Variants in IGF2R observed in about 807,000 individuals in gnomAD.
IGF2R encodes insulin like growth factor 2 receptor.
IGF2R carries 91 observed loss-of-function variants against 270.6 expected under a neutral mutation model. That is an observed-to-expected ratio of 0.34 (90% CI 0.28 to 0.40). The LOEUF is 0.40. IGF2R is among the 10% of genes least tolerant of loss of function. The pLI, the probability that IGF2R is intolerant of heterozygous loss-of-function variation, is 1.00. For synonymous variants in IGF2R, 1,316 were observed against 1,258.9 expected, an observed-to-expected ratio of 1.05 and a Z score of -0.96; for missense variants, 2,805 against 3,188.3, an observed-to-expected ratio of 0.88 and a Z score of 2.90.
chr6:159,988,512 C>CAAAAAAAAA (rs59531292), intron 1 of IGF2R, among the ~76,000 whole-genome samples: 1 of 50,474 alleles, frequency 2.0e-5, no homozygotes, highest in Non-Finnish European at 3.9e-5. Context: ...GACTCCGTCT[C>CAAAAAAAAA]AAAAAAAAAA....
intron 29 of IGF2R, among the ~76,000 whole-genome samples, chr6:160,066,630 T>C (rs1778591389): frequency 1.3e-5 from 2 of 152,166 alleles, no homozygotes; most frequent in African/African-American, 4.8e-5. Context: ...ACTCCACTTT[T>C]TACTGTTTCT....
At chr6:160,065,814 G>GTGTGTGTATATATATATATATA in intron 29 of IGF2R, among the ~76,000 whole-genome samples, 40 of 78,328 alleles carry the variant, frequency 5.1e-4, no homozygotes, top group Non-Finnish European at 6.8e-4. Context: ...GTGTGTGTGT[G>GTGTGTGTATATATATATATATA]TATATATATA....
rs774250856 is a variant in IGF2R, at chr6:160,069,893, G to C, written c.4278G>C (p.Ala1426=). 6.2e-7 allele frequency: 1 copy of C among 1,614,044 alleles called. No individual in the cohort carries two copies. Among genetic ancestry groups the C allele is most frequent in the African/African-American group, 1.3e-5 (1 of 74,922 alleles). ...GTEPCPPEAA[A]CLLGGSKPVN... is the part of the protein sequence containing the mutation. Reference sequence around the variant, plus strand: ...AGCCGTGCCCTCCAGAAGCAGCCGCGTGTCTGCTGGGTGGCTCCAAGCCCG... The same window carrying C: ...AGCCGTGCCCTCCAGAAGCAGCCGCCTGTCTGCTGGGTGGCTCCAAGCCCG... Residue 1426 remains alanine (A), a synonymous_variant, in exon 31 of 48, where the codon GCG becomes GCC. Transcript: ENST00000356956.
chr6:159,986,118 C>T (rs1025563062), intron 1 of IGF2R, among the ~76,000 whole-genome samples: 15 of 152,178 alleles, frequency 9.9e-5, no homozygotes, highest in African/African-American at 2.4e-4. Context: ...TCCTGTGTCC[C>T]GCTGGTTTCC....
At chr6:159,971,866 A>C (rs559762410) in intron 1 of IGF2R, among the ~76,000 whole-genome samples, 27 of 152,310 alleles carry the variant, frequency 1.8e-4, no homozygotes, top group African/African-American at 6.3e-4. Flanking sequence ...TATGTTGCCC[A>C]GGCTGGCCTC....
rs1316897297 is a variant in IGF2R at position 160,046,479 on chromosome 6, T to C, written c.1904-19T>C. On this transcript the variant is annotated intron_variant, in intron 14 of 47. Transcript: ENST00000356956. The stretch of plus-strand genomic sequence containing the variant: ...TCGGACTGACCTTCCATACTTTTAT[T>C]GTTTTTATTCTTTCTTAGGGTTTTC... 3 of 1,597,648 alleles carry C rather than the reference T, an allele frequency of 1.9e-6. No homozygotes were observed. The African/African-American group carries it at 4.1e-5, about 22-fold the overall frequency.
rs542362286 is a variant in IGF2R, at chr6:160,005,689, A to G, written c.290-3321A>G. 8.7e-4 allele frequency: 134 copies of G among 153,262 alleles called. 3 individuals carry two copies. The South Asian group carries it at 0.025, about 29-fold the overall frequency. The allele number at this position is 153,262 out of a possible 1,614,324, so 9.5% of individuals were successfully genotyped here. On this transcript the variant is annotated intron_variant, in intron 2 of 47. Transcript: ENST00000356956. ...TGGGGGCTTGGCTTCTGAACTTGCC[A>G]GGAAACACCGCATCCCTTTTCCTGC...
intron 1 of IGF2R, among the ~76,000 whole-genome samples, chr6:159,989,701 G>A (rs999817513): frequency 1.8e-4 from 27 of 152,174 alleles, no homozygotes; most frequent in Non-Finnish European, 2.9e-4. Context: ...CAAAGTGCTG[G>A]GATACAGGCA....
chr6:160,019,502 C>T (rs1209268434), intron 4 of IGF2R, among the ~76,000 whole-genome samples: 1 of 152,130 alleles, frequency 6.6e-6, no homozygotes, highest in Non-Finnish European at 1.5e-5. Flanking sequence ...CAAAGCCAAA[C>T]AAGCACACAA....
chr6:159,984,634 A>G (rs1195472965), intron 1 of IGF2R, among the ~76,000 whole-genome samples: 1 of 152,212 alleles, frequency 6.6e-6, no homozygotes, highest in South Asian at 2.1e-4. Flanking sequence ...AGGACATACC[A>G]TATAGCCTAG....
At chr6:160,093,120 C>T (rs575205304) in intron 44 of IGF2R, 1 of 155,012 alleles carries the variant, frequency 6.5e-6, no homozygotes, top group South Asian at 2.0e-4. Context: ...ATGCAGAGTT[C>T]CCACCAGCTC....
At chr6:160,086,940 G>A (rs1216295098) in intron 41 of IGF2R, among the ~76,000 whole-genome samples, 3 of 152,086 alleles carry the variant, frequency 2.0e-5, no homozygotes, top group Non-Finnish European at 4.4e-5. Context: ...ATGCCCTGGA[G>A]ACATCATCTG....
At position 160,038,156 on chromosome 6, in the gene IGF2R, C is replaced by G. The variant is rs567529889; in HGVS notation, c.1316-2404C>G. On this transcript the variant is annotated intron_variant, in intron 10 of 47. Transcript: ENST00000356956. ...TGCTGGAATTGAGAGACTGAGGACA[C>G]AAAGTGGTGTGCTGGAGAATAAACT... Among the ~76,000 whole-genome samples, 159 of 152,254 alleles carry G rather than the reference C, an allele frequency of 1.0e-3. 1 individual carries two copies. The highest frequency in any genetic ancestry group is 3.8e-3 in the African/African-American group (156 of 41,542).
At chr6:160,074,178 A>G (rs1275226689) in intron 35 of IGF2R, 4 of 577,030 alleles carry the variant, frequency 6.9e-6, no homozygotes. Context: ...GTAGCCAGCC[A>G]GTCTTTGAGC....
chr6:160,048,898 T>G (rs1442747722), intron 18 of IGF2R, among the ~76,000 whole-genome samples: 1 of 152,198 alleles, frequency 6.6e-6, no homozygotes, highest in African/African-American at 2.4e-5. Context: ...GTTTCTGGAT[T>G]GATTAGGGGG....
intron 1 of IGF2R, among the ~76,000 whole-genome samples, chr6:159,973,661 C>G (rs1407639689): frequency 6.6e-6 from 1 of 152,060 alleles, no homozygotes; most frequent in Non-Finnish European, 1.5e-5. Context: ...ATGTGGAAGC[C>G]TAAGGTTGTT....
At chr6:159,994,835 T>G (rs1417308613) in intron 2 of IGF2R, among the ~76,000 whole-genome samples, 1 of 152,216 alleles carries the variant, frequency 6.6e-6, no homozygotes, top group Non-Finnish European at 1.5e-5. Flanking sequence ...TTTTTAAAAA[T>G]GTACTGAGAC....
In IGF2R at chr6:160,071,985, C is replaced by T. The variant is rs1778750578; in HGVS notation, c.4519C>T (p.Pro1507Ser). ...TFAWPTATAC[P>S]MKSNEHDDCQ... ...TGCCTGGCCCACAGCCACAGCCTGT[C>T]CCATGAAGAGCAACGAGCATGATGA... is the stretch of plus-strand genomic sequence containing the variant. The change falls in exon 32 of 48, where the codon CCC becomes TCC. Residue 1507 changes from proline to serine, a missense_variant. By Grantham distance (74) the Pro-to-Ser change is moderately conservative. Transcript: ENST00000356956. 6.2e-7 allele frequency: 1 copy of T among 1,614,164 alleles called. No homozygotes were observed. Among genetic ancestry groups the T allele is most frequent in the African/African-American group, 1.3e-5 (1 of 75,044 alleles).
intron 7 of IGF2R, 73 bp downstream of exon 7, chr6:160,029,728 G>C: frequency 9.5e-7 from 1 of 1,055,126 alleles, no homozygotes; most frequent in Non-Finnish European, 1.5e-6. Context: ...GCGTTTCTGG[G>C]CTTGGGGCAG....
Sources: allele counts gnomAD v4.1 joint callset (sites outside exome capture counted in the v4.1 genomes callset), GRCh38; gene constraint gnomAD v4.1.1; transcripts MANE v1.5; gene names NCBI Gene and HGNC (gene_info 2026-07-23, HGNC 2026-07-21).